Variants in STK32B observed in about 807,000 individuals in gnomAD.
The protein encoded by STK32B is serine/threonine kinase 32B.
Under a neutral mutation model 52.6 loss-of-function variants are expected in STK32B, and 43 were observed. The ratio of observed to expected loss-of-function variants is 0.82; its 90% CI spans 0.64 to 1.05. The LOEUF (loss-of-function observed/expected upper bound fraction) is 1.05. Among genes scored for constraint, STK32B ranks in the 50% least tolerant of loss-of-function variants. The pLI is 0.00. For synonymous variants in STK32B, 238 were observed against 204.3 expected, an observed-to-expected ratio of 1.17 and a Z score of -1.41; for missense variants, 621 against 534.6, an observed-to-expected ratio of 1.16 and a Z score of -1.59.
intron 5 of STK32B, among the ~76,000 whole-genome samples, chr4:5,411,411 A>G (rs1212400038): frequency 6.6e-6 from 1 of 152,266 alleles, no homozygotes; most frequent in East Asian, 1.9e-4. Context: ...AAAAGTGGTC[A>G]AAAATGATTT....
intron 3 of STK32B, among the ~76,000 whole-genome samples, chr4:5,254,122 C>T (rs934765892): frequency 6.6e-6 from 1 of 152,170 alleles, no homozygotes; most frequent in African/African-American, 2.4e-5. Context: ...CTGAGATATT[C>T]TATTTTTGCC....
chr4:5,043,723 G>C, the STK32B span, among the ~76,000 whole-genome samples: 1 of 152,218 alleles, frequency 6.6e-6, no homozygotes, highest in Non-Finnish European at 1.5e-5. Context: ...TACAGGGGCG[G>C]AAGGAGAAGC....
intron 1 of STK32B, among the ~76,000 whole-genome samples, chr4:5,111,321 A>G (rs1418951661): frequency 1.3e-5 from 2 of 152,188 alleles, no homozygotes; most frequent in Admixed American, 6.5e-5. Context: ...TTGTATGTTT[A>G]GTGCAACACT....
rs376245587 is a variant in STK32B at position 5,290,539 on chromosome 4, G to T, written c.261-40681G>T. ...TCCGTTATAATCTCATGGGACCACC[G>T]TGGTACATGCAGTCCATTGTTGACT... On this transcript the variant is annotated intron_variant, in intron 3 of 11. Coordinates refer to ENST00000282908, the MANE Select transcript of STK32B (RefSeq NM_018401.3). Among the ~76,000 whole-genome samples, 14 of 152,216 alleles carry T rather than the reference G, an allele frequency of 9.2e-5. No homozygotes were observed. In the East Asian group the frequency reaches 2.5e-3, roughly 27 times the overall value.
intron 11 of STK32B, among the ~76,000 whole-genome samples, chr4:5,473,135 A>C (rs1717970153): frequency 6.6e-6 from 1 of 152,092 alleles, no homozygotes; most frequent in African/African-American, 2.4e-5. Flanking sequence ...TTGAACTCTA[A>C]TCTCCCGTCT....
At chr4:5,069,895 T>C (rs1166041896) in intron 1 of STK32B, among the ~76,000 whole-genome samples, 1 of 152,196 alleles carries the variant, frequency 6.6e-6, no homozygotes, top group Non-Finnish European at 1.5e-5. Flanking sequence ...CAGTTTCTTC[T>C]GCTGAAGAAT....
chr4:5,081,828 CT>C (rs1312751292), intron 1 of STK32B, among the ~76,000 whole-genome samples: 1 of 152,140 alleles, frequency 6.6e-6, no homozygotes, highest in African/African-American at 2.4e-5. Context: ...CCTCACTGAG[CT>C]TCTTTAAAAA....
rs573785805 is a variant in STK32B at position 5,400,496 on chromosome 4, A to T, written c.472+2252A>T. On this transcript the variant is annotated intron_variant, in intron 5 of 11. Coordinates refer to ENST00000282908, the MANE Select transcript of STK32B (RefSeq NM_018401.3). The surrounding 1 kb of genome is among the most constrained non-coding windows in gnomAD (Gnocchi z 6.1). ...CCTGCATCCAGTCTTCTCCCTCTCC[A>T]GCCTCCCATTTCATCGAAAAGTCTC... 6.6e-6 allele frequency among the ~76,000 whole-genome samples: 1 copy of T among 152,146 alleles called. No homozygotes were observed. Among genetic ancestry groups the T allele is most frequent in the South Asian group, 2.1e-4 (1 of 4,816 alleles).
At chr4:5,390,271 G>C (rs1736514703) in intron 4 of STK32B, among the ~76,000 whole-genome samples, 2 of 152,216 alleles carry the variant, frequency 1.3e-5, no homozygotes, top group African/African-American at 4.8e-5. Context: ...GTAGGGCTCA[G>C]CTCTGCTGGC....
chr4:5,445,628 T>G (rs1197545477), intron 6 of STK32B, among the ~76,000 whole-genome samples: 1 of 152,148 alleles, frequency 6.6e-6, no homozygotes, highest in African/African-American at 2.4e-5. Flanking sequence ...CTCTTGGGCC[T>G]CCATCCCCTT....
chr4:5,364,873 A>G (rs1440856471), intron 4 of STK32B, among the ~76,000 whole-genome samples: 5 of 137,328 alleles, frequency 3.6e-5, no homozygotes, highest in African/African-American at 9.0e-5. Flanking sequence ...AAAAAATGTT[A>G]TTATTATTAA....
In STK32B at chr4:5,113,369, T is replaced by G. The variant is rs1714513566; in HGVS notation, c.53-26536T>G. Among the ~76,000 whole-genome samples the G allele has an allele frequency of 1.3e-5, 2 of 152,182 alleles. 1 individual carries two copies. The highest frequency in any genetic ancestry group is 4.8e-5 in the African/African-American group (2 of 41,418). On this transcript the variant is annotated intron_variant, in intron 1 of 11. Transcript: ENST00000282908. ...GTGAGAAATAAACTTCTGTTGTTTA[T>G]AAGCCACCCAGTCTATGATATTTTG...
chr4:5,361,184 A>G (rs576929530), intron 4 of STK32B, among the ~76,000 whole-genome samples: 2 of 152,318 alleles, frequency 1.3e-5, no homozygotes, highest in Admixed American at 6.5e-5. Context: ...ATTGCATTGT[A>G]TGGTTGTATC....
In STK32B at chr4:5,456,871, G is replaced by A. The variant is rs35207488; in HGVS notation, c.731G>A (p.Arg244His). The A allele has an allele frequency of 2.6e-5, 42 of 1,598,128 alleles. No homozygotes were observed. The highest frequency in any genetic ancestry group is 3.4e-5 in the Admixed American group (2 of 58,330). The change falls in exon 8 of 12, where the codon CGT becomes CAT. Residue 244 changes from arginine (R) to histidine (H), a missense_variant. Arg to His is a conservative substitution (Grantham distance 29, BLOSUM62 0). Transcript: ENST00000282908. ...ATCCTCAACATGTTCAAGGTGGAGC[G>A]TGTCCACTACTCCTCCACGTGGTGC... is the stretch of plus-strand genomic sequence containing the variant. ...DEILNMFKVE[R>H]VHYSSTWCKG...
intron 3 of STK32B, among the ~76,000 whole-genome samples, chr4:5,216,587 A>G (rs903058491): frequency 1.3e-5 from 2 of 152,178 alleles, no homozygotes; most frequent in Non-Finnish European, 2.9e-5. Flanking sequence ...AGGGAGAGAA[A>G]GAAGCTCTAA....
In STK32B at chr4:5,469,313, C is replaced by T. The variant is rs1268710470; in HGVS notation, c.1106+1243C>T. Among the ~76,000 whole-genome samples the T allele has an allele frequency of 2.0e-5, 3 of 152,222 alleles. No homozygotes were observed. The highest frequency in any genetic ancestry group is 2.9e-5 in the Non-Finnish European group (2 of 68,044). On this transcript the variant is annotated intron_variant, in intron 11 of 11. Coordinates refer to ENST00000282908, the MANE Select transcript of STK32B (RefSeq NM_018401.3). The surrounding 1 kb of genome is among the most constrained non-coding windows in gnomAD (Gnocchi z 4.7). ...CAGCAGATGCTAACAGCGCAGGAAACACGTGCTAAGGCCAAGGGCCACCCA... is the reference window on the plus strand; with the variant it reads ...CAGCAGATGCTAACAGCGCAGGAAATACGTGCTAAGGCCAAGGGCCACCCA...
intron 3 of STK32B, among the ~76,000 whole-genome samples, chr4:5,301,140 T>A (rs1729525399): frequency 6.6e-6 from 1 of 152,140 alleles, no homozygotes; most frequent in Admixed American, 6.6e-5. Flanking sequence ...TACTTGCTCA[T>A]GATGTATAAT....
intron 3 of STK32B, among the ~76,000 whole-genome samples, chr4:5,264,051 T>G (rs919169856): frequency 1.3e-5 from 2 of 152,236 alleles, no homozygotes; most frequent in Admixed American, 6.5e-5. Context: ...AGTTTGATAA[T>G]TCATTCTTCG....
At position 5,495,989 on chromosome 4, in the gene STK32B, G is replaced by C. The variant is rs186513986; in HGVS notation, c.1107-2956G>C. 7.4e-4 allele frequency among the ~76,000 whole-genome samples: 105 copies of C among 141,416 alleles called. 4 individuals carry two copies. In the East Asian group the frequency reaches 0.02, roughly 27 times the overall value. The allele number at this position is 141,416 out of a possible 152,430, so 92.8% of individuals were successfully genotyped here. A position where few individuals can be genotyped will look rare whatever the true frequency, so the allele number is the denominator to read the frequency against. On this transcript the variant is annotated intron_variant, in intron 11 of 11. Coordinates refer to ENST00000282908, the MANE Select transcript of STK32B (RefSeq NM_018401.3). The stretch of plus-strand genomic sequence containing the variant: ...TGTGATGTGTCAGTCTGCCCCTACT[G>C]GGGGGTGCCTCCCGGTTAGGCTGCT...
Sources: gnomAD v4.1 joint callset for allele counts (sites outside exome capture counted in the v4.1 genomes callset) on GRCh38, gnomAD v4.1.1 for gene constraint, Gnocchi (gnomAD v3.1) non-coding constraint, MANE v1.5 for transcripts, NCBI Gene and HGNC (gene_info 2026-07-23, HGNC 2026-07-21) for gene names.